DHRSX: variants seen among roughly 807,000 people sequenced by gnomAD.
DHRSX encodes the protein dehydrogenase/reductase X-linked.
In DHRSX, 31 loss-of-function variants were observed where a neutral mutation model predicts 34.0. The ratio of observed to expected loss-of-function variants is 0.91; its 90% CI spans 0.69 to 1.23. The LOEUF (loss-of-function observed/expected upper bound fraction) is 1.23, where lower values mean the gene tolerates loss of function less well. Among genes scored for constraint, DHRSX ranks in the 50% most tolerant of loss-of-function variants. DHRSX has a pLI of 0.00. For missense variants in DHRSX, 414 were observed against 428.1 expected, an observed-to-expected ratio of 0.97 and a Z score of 0.29; for synonymous variants, 201 against 183.8, an observed-to-expected ratio of 1.09 and a Z score of -0.76.
intron 3 of DHRSX, among the ~76,000 whole-genome samples, chrX:2,373,956 C>T (rs2043110753): frequency 1.3e-5 from 2 of 152,084 alleles, no homozygotes; most frequent in Non-Finnish European, 2.9e-5. Flanking sequence ...GATATTGTGA[C>T]GTAAAGTAAG....
chrX:2,307,778 AG>A (rs1277398432), intron 3 of DHRSX, among the ~76,000 whole-genome samples: 22 of 135,402 alleles, frequency 1.6e-4, no homozygotes, highest in African/African-American at 6.0e-4. Context: ...AAAAAAAAAA[AG>A]TAATAAAAAT....
At chrX:2,471,865 GT>G (rs2044598482) in intron 1 of DHRSX, among the ~76,000 whole-genome samples, 1 of 152,102 alleles carries the variant, frequency 6.6e-6, no homozygotes, top group African/African-American at 2.4e-5. Flanking sequence ...AATGGGATTG[GT>G]TGGGTGTGGT....
At chrX:2,229,794 CGT>C (rs1569476992) in intron 6 of DHRSX, among the ~76,000 whole-genome samples, 3 of 151,576 alleles carry the variant, frequency 2.0e-5, no homozygotes, top group East Asian at 3.9e-4. Context: ...TATGGGCCTG[CGT>C]GTGTTTGCAC....
intron 1 of DHRSX, among the ~76,000 whole-genome samples, chrX:2,462,893 C>A (rs1415996928): frequency 1.3e-5 from 2 of 152,012 alleles, no homozygotes; most frequent in Non-Finnish European, 2.9e-5. Context: ...CCCCCAAATT[C>A]CTGCATTGAA....
intron 2 of DHRSX, among the ~76,000 whole-genome samples, chrX:2,412,923 G>A (rs190511892): frequency 4.6e-5 from 7 of 152,270 alleles, no homozygotes; most frequent in South Asian, 2.1e-4. Flanking sequence ...TTGGCCAGGC[G>A]TGGTATCTCA....
At chrX:2,253,514 G>T (rs770946800) in intron 5 of DHRSX, among the ~76,000 whole-genome samples, 1 of 151,944 alleles carries the variant, frequency 6.6e-6, no homozygotes, top group African/African-American at 2.4e-5. Context: ...CCTGGGAGGC[G>T]GACATGGCCG....
intron 6 of DHRSX, among the ~76,000 whole-genome samples, chrX:2,224,022 T>G (rs932584976): frequency 2.5e-4 from 38 of 152,240 alleles, no homozygotes; most frequent in Non-Finnish European, 3.4e-4. Context: ...AATGAGCATT[T>G]ACACCTCACG....
chrX:2,471,699 CCA>C (rs2044595751), intron 1 of DHRSX, among the ~76,000 whole-genome samples: 1 of 152,134 alleles, frequency 6.6e-6, no homozygotes, highest in Non-Finnish European at 1.5e-5. Context: ...TGCAATCACT[CCA>C]CAGTTTCCCG....
chrX:2,229,991 G>A (rs1049813428), intron 6 of DHRSX, among the ~76,000 whole-genome samples: 2 of 152,208 alleles, frequency 1.3e-5, no homozygotes, highest in African/African-American at 4.8e-5. Flanking sequence ...GTGTGCATGT[G>A]TGTTTGCTCA....
chrX:2,430,476 C>T (rs1476368957), intron 1 of DHRSX, among the ~76,000 whole-genome samples: 3 of 152,114 alleles, frequency 2.0e-5, no homozygotes, highest in Non-Finnish European at 4.4e-5. Context: ...ACATGTTTCG[C>T]AAGATCGGGC....
chrX:2,488,341 A>C, intron 1 of DHRSX: 1 of 372,624 alleles, frequency 2.7e-6, no homozygotes, highest in Non-Finnish European at 4.7e-6. Context: ...GTCCTGGCTA[A>C]TTTTTGTATT....
chrX:2,257,387 A>C lies in DHRSX; in HGVS notation c.596+9353T>G, dbSNP rs141058798. Among the ~76,000 whole-genome samples, 904 of 152,296 alleles carry C rather than the reference A, an allele frequency of 5.9e-3. 25 individuals are homozygous for C. Among genetic ancestry groups the C allele is most frequent in the Admixed American group, 0.05 (765 of 15,288 alleles). On this transcript the variant is annotated intron_variant, in intron 5 of 6. Coordinates refer to ENST00000334651, the MANE Select transcript of DHRSX (RefSeq NM_145177.3). ...TCGGCCAGATGGCCCAATGCACAAT[A>C]ATTCGGGGAACACACATCCAGGCAA... is the stretch of plus-strand genomic sequence containing the variant.
At chrX:2,464,745 T>C (rs1222003179) in intron 1 of DHRSX, among the ~76,000 whole-genome samples, 8 of 138,392 alleles carry the variant, frequency 5.8e-5, no homozygotes, top group African/African-American at 2.2e-4. Flanking sequence ...GACCGCCACC[T>C]TATACACACT....
chrX:2,265,589 AGC>A (rs2041445216), intron 5 of DHRSX, among the ~76,000 whole-genome samples: 2 of 136,276 alleles, frequency 1.5e-5, no homozygotes, highest in Non-Finnish European at 3.2e-5. Context: ...CTGTCCCCAG[AGC>A]ACCAGTGTAC....
At chrX:2,490,770 C>T in intron 1 of DHRSX, 3 of 1,578,216 alleles carry the variant, frequency 1.9e-6, no homozygotes, top group Non-Finnish European at 2.6e-6. Context: ...GCGTGGGGAC[C>T]TGCTGAGAAG....
intron 3 of DHRSX, among the ~76,000 whole-genome samples, chrX:2,327,896 C>G (rs182345075): frequency 1.4e-4 from 22 of 151,806 alleles, no homozygotes; most frequent in African/African-American, 5.3e-4. Flanking sequence ...CTGGCTAACA[C>G]GGTGAAACTC....
At chrX:2,409,529 G>A (rs2043600213) in intron 2 of DHRSX, among the ~76,000 whole-genome samples, 1 of 151,946 alleles carries the variant, frequency 6.6e-6, no homozygotes, top group Non-Finnish European at 1.5e-5. Context: ...TGGGGTCTTT[G>A]GTTTTCTGTT....
At chrX:2,321,255 T>A (rs1221355957) in intron 3 of DHRSX, among the ~76,000 whole-genome samples, 1 of 152,158 alleles carries the variant, frequency 6.6e-6, no homozygotes, top group Non-Finnish European at 1.5e-5. Flanking sequence ...AGCTTATGTT[T>A]ACAGAACCCG....
intron 1 of DHRSX, among the ~76,000 whole-genome samples, chrX:2,484,924 G>A (rs907352256): frequency 5.0e-4 from 76 of 150,786 alleles, no homozygotes; most frequent in Middle Eastern, 3.4e-3. Context: ...CAGCCCAACC[G>A]GCTCCTTCCC....
Sources: allele counts gnomAD v4.1 joint callset (sites outside exome capture counted in the v4.1 genomes callset), GRCh38; gene constraint gnomAD v4.1.1; transcripts MANE v1.5; gene names NCBI Gene and HGNC (gene_info 2026-07-23, HGNC 2026-07-21).